The following SGCD variants were observed in gnomAD, a reference collection of about 807,000 sequenced individuals.
SGCD encodes the protein sarcoglycan delta, also known as delta-sarcoglycan.
SGCD carries 18 observed loss-of-function variants against 36.6 expected under a neutral mutation model. The observed-to-expected ratio is 0.49, with a 90% confidence interval of 0.34 to 0.73. The LOEUF is 0.73. Ranked by LOEUF, SGCD falls within the 30% of genes least tolerant of loss-of-function variation. The pLI is 0.01. For missense variants in SGCD, 387 were observed against 346.7 expected (o/e 1.12, Z -0.92); for synonymous variants, 133 against 130.6 (o/e 1.02, Z -0.12).
In SGCD at chr5:156,058,619, C is replaced by A. The variant is rs1435280303; in HGVS notation, c.-281-59259C>A. On this transcript the variant is annotated intron_variant, in intron 1 of 9. Transcript: ENST00000517913. ...TTTTATCCTGATTCAAACAAGTAAC[C>A]TAAAAAAATACTTAGGAGACAGTTG... Among the ~76,000 whole-genome samples the A allele has an allele frequency of 4.1e-5, 6 of 144,872 alleles. 1 individual carries two copies. The highest frequency in any genetic ancestry group is 1.2e-4 in the African/African-American group (5 of 40,320).
chr5:156,168,611 A>G (rs1299278825), intron 3 of SGCD, among the ~76,000 whole-genome samples: 1 of 152,220 alleles, frequency 6.6e-6, no homozygotes, highest in Non-Finnish European at 1.5e-5. Flanking sequence ...AATATTAAAT[A>G]AGGCCAATAA....
intron 7 of SGCD, among the ~76,000 whole-genome samples, chr5:156,654,906 C>T (rs576245944): frequency 2.2e-4 from 33 of 152,178 alleles, no homozygotes; most frequent in African/African-American, 6.0e-4. Flanking sequence ...TAATATCATG[C>T]TTTACATGAG....
intron 3 of SGCD, among the ~76,000 whole-genome samples, chr5:156,289,575 T>G (rs901230041): frequency 6.6e-6 from 1 of 151,990 alleles, no homozygotes; most frequent in Non-Finnish European, 1.5e-5. Flanking sequence ...TTCTATTGCT[T>G]CTTCTTTTTT....
intron 3 of SGCD, among the ~76,000 whole-genome samples, chr5:156,133,220 CTG>C (rs1225449720): frequency 2.0e-5 from 3 of 152,120 alleles, no homozygotes; most frequent in African/African-American, 7.2e-5. Context: ...GTGTGACAAA[CTG>C]TAAGTGTTGA....
intron 3 of SGCD, among the ~76,000 whole-genome samples, chr5:156,185,847 A>ATGTGTGTGTG (rs1763736420): frequency 1.8e-3 from 11 of 6,078 alleles, no homozygotes; most frequent in Middle Eastern, 0.083. Flanking sequence ...ATATATATAT[A>ATGTGTGTGTG]TATAGAGAGA....
intron 3 of SGCD, among the ~76,000 whole-genome samples, chr5:156,190,501 A>G (rs940534993): frequency 2.6e-5 from 4 of 152,174 alleles, no homozygotes; most frequent in Non-Finnish European, 5.9e-5. Flanking sequence ...ATTTATTGAC[A>G]TCTACTTAGG....
intron 1 of SGCD, among the ~76,000 whole-genome samples, chr5:155,932,023 T>G (rs1406007673): frequency 6.6e-6 from 1 of 152,154 alleles, no homozygotes; most frequent in Non-Finnish European, 1.5e-5. Context: ...ACTAATCCAG[T>G]TAATGAAGTC....
At chr5:155,922,979 A>G (rs1756919230) in intron 1 of SGCD, among the ~76,000 whole-genome samples, 1 of 152,222 alleles carries the variant, frequency 6.6e-6, no homozygotes, top group Non-Finnish European at 1.5e-5. Context: ...GAGTCCTATT[A>G]GCATAACCAT....
intron 3 of SGCD, among the ~76,000 whole-genome samples, chr5:156,468,642 C>T (rs1484682700): frequency 6.6e-6 from 1 of 152,106 alleles, no homozygotes; most frequent in East Asian, 1.9e-4. Flanking sequence ...TGAATTTCCT[C>T]ATTTGAAAAA....
At chr5:156,373,757 G>C (rs924021953) in intron 3 of SGCD, among the ~76,000 whole-genome samples, 2 of 152,200 alleles carry the variant, frequency 1.3e-5, no homozygotes, top group African/African-American at 4.8e-5. Flanking sequence ...CATTTAAACA[G>C]TAAAATGAGG....
rs185201486 is a variant in SGCD at position 156,188,987 on chromosome 5, T to C, written c.-44+64968T>C. Among the ~76,000 whole-genome samples, 334 of 152,312 alleles carry C rather than the reference T, an allele frequency of 2.2e-3. 2 individuals carry two copies. The highest frequency in any genetic ancestry group is 2.1e-3 in the Non-Finnish European group (145 of 68,032). ...GGTAATCACTCTGTGGTTTTCCCAG[T>C]GTACACATTACATAAATTTGTGTGC... On this transcript the variant is annotated intron_variant, in intron 3 of 9. Transcript: ENST00000517913.
intron 1 of SGCD, among the ~76,000 whole-genome samples, chr5:155,926,045 G>A (rs186127588): frequency 1.3e-5 from 2 of 152,024 alleles, no homozygotes; most frequent in East Asian, 3.9e-4. Flanking sequence ...TTATAAAAGC[G>A]AGCCACTGTG....
At chr5:156,477,895 A>T (rs1755257437) in intron 3 of SGCD, among the ~76,000 whole-genome samples, 1 of 152,156 alleles carries the variant, frequency 6.6e-6, no homozygotes, top group Non-Finnish European at 1.5e-5. Context: ...AATGGTTAAC[A>T]GTAGAGAAAA....
At chr5:156,637,086 T>C (rs748803365) in intron 6 of SGCD, among the ~76,000 whole-genome samples, 1 of 152,118 alleles carries the variant, frequency 6.6e-6, no homozygotes, top group Non-Finnish European at 1.5e-5. Context: ...AATTGAATCA[T>C]GAGGGCAGTT....
At chr5:156,459,332 C>G (rs1754387809) in intron 3 of SGCD, among the ~76,000 whole-genome samples, 1 of 152,194 alleles carries the variant, frequency 6.6e-6, no homozygotes, top group Admixed American at 6.5e-5. Context: ...AATAGTCTCT[C>G]TTACTATCCC....
At chr5:156,311,536 A>C (rs1456781997) in intron 3 of SGCD, among the ~76,000 whole-genome samples, 2 of 152,190 alleles carry the variant, frequency 1.3e-5, no homozygotes, top group East Asian at 3.8e-4. Flanking sequence ...GTATCTTAGA[A>C]TAAGAGTCTT....
chr5:156,165,240 G>C (rs1763185083), intron 3 of SGCD, among the ~76,000 whole-genome samples: 1 of 152,192 alleles, frequency 6.6e-6, no homozygotes, highest in South Asian at 2.1e-4. Flanking sequence ...TGCAAAAAAA[G>C]GGAGGGGAAA....
At chr5:156,657,717 G>T (rs1763749264) in intron 7 of SGCD, among the ~76,000 whole-genome samples, 1 of 151,978 alleles carries the variant, frequency 6.6e-6, no homozygotes, top group South Asian at 2.1e-4. Context: ...GTAGGGGTGG[G>T]TTGCCCCTAC....
At chr5:155,758,421 T>G in the SGCD span, among the ~76,000 whole-genome samples, 2 of 152,192 alleles carry the variant, frequency 1.3e-5, no homozygotes, top group African/African-American at 4.8e-5. Context: ...ATCAATACTT[T>G]TATGTTACAT....
Sources: gnomAD v4.1 joint callset for allele counts (sites outside exome capture counted in the v4.1 genomes callset) on GRCh38, gnomAD v4.1.1 for gene constraint, MANE v1.5 for transcripts, NCBI Gene and HGNC (gene_info 2026-07-23, HGNC 2026-07-21) for gene names.